The following PCGF5 variants were observed in gnomAD, a reference collection of about 807,000 sequenced individuals.
PCGF5 encodes the protein polycomb group RING finger protein 5.
A neutral mutation model predicts 44.3 loss-of-function variants in PCGF5; 9 were observed. The observed-to-expected ratio is 0.20, with a 90% CI of 0.12 to 0.35. The LOEUF is 0.35. Ranked by LOEUF, PCGF5 falls within the 10% of genes least tolerant of loss-of-function variation. PCGF5 has a pLI of 1.00. For synonymous variants in PCGF5, 95 were observed against 102.5 expected, an observed-to-expected ratio of 0.93 and a Z score of 0.44; for missense variants, 146 against 305.3, an observed-to-expected ratio of 0.48 and a Z score of 3.89.
At chr10:91,234,278 G>A (rs1344388371) in intron 2 of PCGF5, among the ~76,000 whole-genome samples, 1 of 152,208 alleles carries the variant, frequency 6.6e-6, no homozygotes, top group African/African-American at 2.4e-5. Context: ...AGACCAGTGG[G>A]ACTGTACTGG....
Position 91,261,309 on chromosome 10 carries a change from A to G in PCGF5, c.475-17A>G. The G allele has an allele frequency of 1.4e-6, 2 of 1,478,236 alleles. No individual in the cohort carries two copies. The highest frequency in any genetic ancestry group is 1.8e-6 in the Non-Finnish European group (2 of 1,102,942). 91.6% of individuals were successfully genotyped at this position (1,478,236 alleles called of 1,614,324 possible). On this transcript the variant is annotated splice_polypyrimidine_tract_variant and intron_variant, in intron 6 of 9. Coordinates refer to ENST00000336126, the MANE Select transcript of PCGF5 (RefSeq NM_032373.5). ...AACTGGTAGAACATTTTAACTGGTA[A>G]TCTTTATTTCCTTTAGGGTTTAATG... is the stretch of plus-strand genomic sequence containing the variant.
chr10:91,278,360 G>T lies in PCGF5; in HGVS notation c.*44G>T, dbSNP rs761342788. On this transcript the variant is annotated 3_prime_UTR_variant, in exon 10 of 10. Coordinates refer to ENST00000336126, the MANE Select transcript of PCGF5 (RefSeq NM_032373.5). ...CACTGAGATGAATCCTGCACTATTT[G>T]TTTACTCGTCAACAGATTGCACAGT... The T allele has an allele frequency of 1.3e-6, 2 of 1,539,284 alleles. No homozygotes were observed. Among genetic ancestry groups the T allele is most frequent in the South Asian group, 2.2e-5 (2 of 89,420 alleles).
chr10:91,262,739 A>G (rs1343468872), intron 7 of PCGF5, among the ~76,000 whole-genome samples: 1 of 152,226 alleles, frequency 6.6e-6, no homozygotes, highest in Non-Finnish European at 1.5e-5. Flanking sequence ...GTATTAGGAA[A>G]AAATTATGGA....
intron 8 of PCGF5, among the ~76,000 whole-genome samples, chr10:91,265,277 T>C (rs942387848): frequency 6.6e-6 from 1 of 152,128 alleles, no homozygotes; most frequent in African/African-American, 2.4e-5. Flanking sequence ...TTAGGCAAAT[T>C]TGAGGTACTA....
intron 8 of PCGF5, among the ~76,000 whole-genome samples, chr10:91,265,663 T>C (rs914304298): frequency 6.6e-6 from 1 of 152,196 alleles, no homozygotes; most frequent in African/African-American, 2.4e-5. Context: ...TGTGGAATTA[T>C]TATAAAACAA....
chr10:91,262,750 A>G (rs908229907), intron 7 of PCGF5, among the ~76,000 whole-genome samples: 9 of 152,238 alleles, frequency 5.9e-5, no homozygotes, highest in Non-Finnish European at 8.8e-5. Context: ...AAATTATGGA[A>G]GTTAACTATA....
At chr10:91,245,128 A>G (rs929473060) in intron 3 of PCGF5, among the ~76,000 whole-genome samples, 6 of 152,156 alleles carry the variant, frequency 3.9e-5, no homozygotes, top group African/African-American at 1.4e-4. Context: ...CAGAGAGAAG[A>G]GGAGGAGCCA....
At chr10:91,232,775 A>T (rs1845046919) in intron 2 of PCGF5, among the ~76,000 whole-genome samples, 1 of 152,060 alleles carries the variant, frequency 6.6e-6, no homozygotes, top group South Asian at 2.1e-4. Flanking sequence ...AGTAAAATAG[A>T]GGTCCTCAGT....
At chr10:91,231,879 G>T (rs1845014802) in intron 2 of PCGF5, among the ~76,000 whole-genome samples, 1 of 152,164 alleles carries the variant, frequency 6.6e-6, no homozygotes, top group African/African-American at 2.4e-5. Flanking sequence ...GGTTTTGAAG[G>T]TAAATTCATA....
chr10:91,275,429 A>G (rs1026915805), intron 9 of PCGF5, among the ~76,000 whole-genome samples: 2 of 149,768 alleles, frequency 1.3e-5, no homozygotes, highest in Non-Finnish European at 3.0e-5. Flanking sequence ...AATGTAGAAA[A>G]ATAAAACTAC....
chr10:91,180,615 C>T (rs1006228676), intron 1 of PCGF5, among the ~76,000 whole-genome samples: 1 of 152,034 alleles, frequency 6.6e-6, no homozygotes, highest in Non-Finnish European at 1.5e-5. Flanking sequence ...GAATCCTTTC[C>T]CCATTGCTTA....
At chr10:91,201,459 T>C (rs1844250734) in intron 1 of PCGF5, among the ~76,000 whole-genome samples, 1 of 152,166 alleles carries the variant, frequency 6.6e-6, no homozygotes, top group Non-Finnish European at 1.5e-5. Context: ...GGGGAACTCA[T>C]TCAAATCATA....
At chr10:91,188,783 T>A (rs1843974262) in intron 1 of PCGF5, among the ~76,000 whole-genome samples, 1 of 152,194 alleles carries the variant, frequency 6.6e-6, no homozygotes, top group Admixed American at 6.5e-5. Context: ...CTACAGAGTG[T>A]CATTTGGAGC....
intron 1 of PCGF5, among the ~76,000 whole-genome samples, chr10:91,173,085 C>G (rs559079056): frequency 5.3e-5 from 8 of 152,270 alleles, no homozygotes; most frequent in African/African-American, 1.9e-4. Flanking sequence ...GGTCTATCTC[C>G]TAGGTATTCA....
chr10:91,254,203 C>CGTGTGTGTGTGTGTGTGTGT (rs148669111), intron 6 of PCGF5, among the ~76,000 whole-genome samples: 1 of 147,942 alleles, frequency 6.8e-6, no homozygotes, highest in East Asian at 2.0e-4. Flanking sequence ...CCCTCCACCT[C>CGTGTGTGTGTGTGTGTGTGT]GTGTGTGTGT....
In PCGF5 at chr10:91,264,440, C is replaced by T. The variant is rs1237179204; in HGVS notation, c.583C>T (p.Leu195=). 6.2e-7 allele frequency: 1 copy of T among 1,605,504 alleles called. No individual in the cohort carries two copies. Among genetic ancestry groups the T allele is most frequent in the Non-Finnish European group, 8.5e-7 (1 of 1,176,116 alleles). ...KLPSSYELDV[L]CNGEIMGKDH... is the part of the protein sequence containing the mutation. ...ATGATTCTTTTTAAAGTTGGATGTG[C>T]TGTGCAATGGTGAAATTATGGGGAA... The change falls in exon 8 of 10, where the codon CTG becomes TTG. Residue 195 remains leucine, a synonymous_variant. Coordinates refer to ENST00000336126, the MANE Select transcript of PCGF5 (RefSeq NM_032373.5).
intron 6 of PCGF5, 55 bp from the exon 7 acceptor site, chr10:91,261,271 G>A: frequency 7.1e-7 from 1 of 1,405,568 alleles, no homozygotes; most frequent in East Asian, 2.6e-5. Flanking sequence ...CCAGAAGCAA[G>A]ATAGAACATT....
intron 9 of PCGF5, among the ~76,000 whole-genome samples, chr10:91,274,269 T>C (rs969399553): frequency 6.6e-6 from 1 of 152,210 alleles, no homozygotes; most frequent in African/African-American, 2.4e-5. Context: ...TAAGGAAATA[T>C]CAGCAGGTGC....
chr10:91,251,049 G>T (rs1030034432), intron 5 of PCGF5, among the ~76,000 whole-genome samples: 1 of 149,880 alleles, frequency 6.7e-6, no homozygotes, highest in Non-Finnish European at 1.5e-5. Context: ...CTTTCATTTG[G>T]ATGTCCCAAT....
Sources: allele counts gnomAD v4.1 joint callset (sites outside exome capture counted in the v4.1 genomes callset), GRCh38; gene constraint gnomAD v4.1.1; transcripts MANE v1.5; gene names NCBI Gene and HGNC (gene_info 2026-07-23, HGNC 2026-07-21).